NUP93: variants seen among roughly 807,000 people sequenced by gnomAD.
The protein encoded by NUP93 is nucleoporin 93, also known as nuclear pore complex protein Nup93.
A neutral mutation model predicts 107.8 loss-of-function variants in NUP93; 55 were observed. The observed-to-expected ratio is 0.51, with a 90% CI of 0.41 to 0.64. The LOEUF (loss-of-function observed/expected upper bound fraction) is 0.64. Ranked by LOEUF, NUP93 falls within the 30% of genes least tolerant of loss-of-function variation. The pLI is 0.00. For missense variants in NUP93, 937 were observed against 1,044.7 expected, an observed-to-expected ratio of 0.90 and a Z score of 1.42; for synonymous variants, 390 against 397.5, an observed-to-expected ratio of 0.98 and a Z score of 0.22.
At chr16:56,801,003 G>T (rs1963008389) in intron 4 of NUP93, among the ~76,000 whole-genome samples, 1 of 152,184 alleles carries the variant, frequency 6.6e-6, no homozygotes, top group Non-Finnish European at 1.5e-5. Flanking sequence ...GAAAGATTCA[G>T]ATTTAATTTA....
At chr16:56,809,570 C>T (rs1167352100) in intron 5 of NUP93, among the ~76,000 whole-genome samples, 4 of 151,912 alleles carry the variant, frequency 2.6e-5, no homozygotes, top group East Asian at 1.9e-4. Context: ...TTTTGCACAT[C>T]GAGATAAGAA....
At chr16:56,821,866 C>T (rs1963551045) in intron 7 of NUP93, among the ~76,000 whole-genome samples, 2 of 151,208 alleles carry the variant, frequency 1.3e-5, no homozygotes, top group African/African-American at 4.9e-5. Flanking sequence ...CAGGCTTTTA[C>T]TCCCCACTCA....
intron 5 of NUP93, among the ~76,000 whole-genome samples, chr16:56,808,789 T>A (rs908607826): frequency 6.9e-6 from 1 of 145,058 alleles, no homozygotes. Context: ...CATATATAAA[T>A]ATGTATATAA....
chr16:56,738,132 A>G (rs1961641964), intron 1 of NUP93, among the ~76,000 whole-genome samples: 1 of 152,226 alleles, frequency 6.6e-6, no homozygotes. Context: ...AACATCTCAC[A>G]TTTGTAAATT....
chr16:56,808,562 A>G (rs1456689700), intron 5 of NUP93, among the ~76,000 whole-genome samples: 4 of 125,676 alleles, frequency 3.2e-5, no homozygotes, highest in South Asian at 4.6e-4. Context: ...ATAAAAATAT[A>G]TAAATACATT....
At chr16:56,806,266 C>T (rs759618613) in intron 5 of NUP93, among the ~76,000 whole-genome samples, 6 of 151,864 alleles carry the variant, frequency 4.0e-5, no homozygotes, top group Non-Finnish European at 7.4e-5. Context: ...GACACCCAGT[C>T]TCTTTCACAT....
intron 1 of NUP93, among the ~76,000 whole-genome samples, chr16:56,740,088 C>T (rs1739212349): frequency 6.9e-5 from 9 of 129,890 alleles, no homozygotes; most frequent in Admixed American, 6.1e-4. Context: ...ACCCCCCCAC[C>T]TCCCTCCCGG....
At chr16:56,836,133 A>C (rs1963905254) in intron 16 of NUP93, among the ~76,000 whole-genome samples, 1 of 151,034 alleles carries the variant, frequency 6.6e-6, no homozygotes, top group Admixed American at 6.6e-5. Flanking sequence ...TGTCTCAAAA[A>C]AAAAAAAAAA....
intron 1 of NUP93, among the ~76,000 whole-genome samples, chr16:56,733,351 C>T (rs372063462): frequency 2.6e-5 from 4 of 152,032 alleles, no homozygotes; most frequent in African/African-American, 9.7e-5. Context: ...ATTGGAGGAA[C>T]AAGAAGGCTT....
Position 56,834,616 on chromosome 16 carries a change from GT to G in NUP93, c.1738-115del, listed in dbSNP as rs1170809187. On this transcript the variant is annotated intron_variant, in intron 15 of 21. Transcript: ENST00000308159. ...TTTATTTCAGTCACACTGATTTTTAGTTTGCCTAAGACTTATCCCATTCATC... is the reference window on the plus strand; with the variant it reads ...TTTATTTCAGTCACACTGATTTTTAGTTGCCTAAGACTTATCCCATTCATC... 4 of 1,131,062 alleles carry G rather than the reference GT, an allele frequency of 3.5e-6. No individual in the cohort carries two copies. The African/African-American group carries it at 4.7e-5, about 13-fold the overall frequency. 70.1% of individuals were successfully genotyped at this position (1,131,062 alleles called of 1,614,324 possible).
intron 21 of NUP93, chr16:56,842,478 T>A: frequency 2.5e-6 from 1 of 402,330 alleles, no homozygotes. Context: ...CAGCATATGT[T>A]GTCTGATTAC....
At chr16:56,757,689 C>G (rs1962051373) in intron 2 of NUP93, among the ~76,000 whole-genome samples, 1 of 152,168 alleles carries the variant, frequency 6.6e-6, no homozygotes, top group Non-Finnish European at 1.5e-5. Context: ...ATAACAGCCT[C>G]CTATATTATT....
chr16:56,734,356 T>C (rs1436823763), intron 1 of NUP93, among the ~76,000 whole-genome samples: 1 of 152,192 alleles, frequency 6.6e-6, no homozygotes, highest in Non-Finnish European at 1.5e-5. Flanking sequence ...GTCAGCAGTG[T>C]ATTTAGCATA....
In NUP93 at chr16:56,846,332, C is replaced by T. The variant is rs1427778651; in HGVS notation, c.*1723C>T. 4.0e-5 allele frequency: 6 copies of T among 151,100 alleles called. No individual in the cohort carries two copies. The highest frequency in any genetic ancestry group is 2.1e-4 in the South Asian group (1 of 4,780). 9.4% of individuals were successfully genotyped at this position (151,100 alleles called of 1,614,324 possible). A position where few individuals can be genotyped will look rare whatever the true frequency, so the allele number is the denominator to read the frequency against. ...AAGCTGAGACAGAATTGCTTGAACC[C>T]GGGAGGCGAAGGTTGCAGTGATCTG... is the stretch of plus-strand genomic sequence containing the variant. On this transcript the variant is annotated 3_prime_UTR_variant, in exon 22 of 22. Transcript: ENST00000308159.
intron 3 of NUP93, among the ~76,000 whole-genome samples, chr16:56,764,582 TCTG>T (rs1426406679): frequency 6.6e-6 from 1 of 152,236 alleles, no homozygotes; most frequent in Non-Finnish European, 1.5e-5. Flanking sequence ...TTTTCTATCT[TCTG>T]CTCCTTAAAT....
intron 3 of NUP93, among the ~76,000 whole-genome samples, chr16:56,794,974 G>A (rs1278807389): frequency 6.9e-6 from 1 of 145,442 alleles, no homozygotes; most frequent in Non-Finnish European, 1.5e-5. Flanking sequence ...TGGATAGGCT[G>A]GTCATTATTG....
intron 3 of NUP93, among the ~76,000 whole-genome samples, chr16:56,774,345 C>T (rs1328621236): frequency 1.3e-5 from 2 of 152,138 alleles, no homozygotes; most frequent in African/African-American, 4.8e-5. Context: ...TATTCATTAA[C>T]CTGATTTCTC....
At chr16:56,746,426 A>G (rs994928593) in intron 1 of NUP93, among the ~76,000 whole-genome samples, 7 of 152,334 alleles carry the variant, frequency 4.6e-5, no homozygotes, top group African/African-American at 1.7e-4. Flanking sequence ...CAGCCTGATT[A>G]TATGGGTCAA....
chr16:56,788,354 A>G (rs578050797), intron 3 of NUP93, among the ~76,000 whole-genome samples: 2 of 152,310 alleles, frequency 1.3e-5, no homozygotes, highest in African/African-American at 4.8e-5. Flanking sequence ...AGAGCAGTCA[A>G]TTCCTTTCCC....
Sources: gnomAD v4.1 joint callset for allele counts (sites outside exome capture counted in the v4.1 genomes callset) on GRCh38, gnomAD v4.1.1 for gene constraint, MANE v1.5 for transcripts, NCBI Gene and HGNC (gene_info 2026-07-23, HGNC 2026-07-21) for gene names.